The following SYTL5 variants were observed in gnomAD, a reference collection of about 807,000 sequenced individuals.
SYTL5 encodes the protein synaptotagmin like 5.
SYTL5 carries 34 observed loss-of-function variants against 55.9 expected under a neutral mutation model. The ratio of observed to expected loss-of-function variants is 0.61; its 90% CI spans 0.46 to 0.81. The LOEUF is 0.81. Ranked by LOEUF, SYTL5 falls within the 30% of genes least tolerant of loss-of-function variation. The pLI, the probability that SYTL5 is intolerant of heterozygous loss-of-function variation, is 0.00. For synonymous variants in SYTL5, 221 were observed against 188.7 expected (o/e 1.17, Z -1.40); for missense variants, 637 against 546.7 (o/e 1.17, Z -1.65).
chrX:37,985,429 T>C, the SYTL5 span, among the ~76,000 whole-genome samples: 1 of 111,580 alleles, frequency 9.0e-6, no homozygotes. Flanking sequence ...AAAATAATTA[T>C]AATGCAACCT....
At chrX:38,010,801 T>C (rs1355788476) in intron 1 of SYTL5, among the ~76,000 whole-genome samples, 1 of 112,016 alleles carries the variant, frequency 8.9e-6, no homozygotes, top group Non-Finnish European at 1.9e-5. Context: ...TTAGTTTGTT[T>C]GATTGTTTCA....
intron 1 of SYTL5, among the ~76,000 whole-genome samples, chrX:38,007,066 A>T (rs969096239): frequency 6.3e-5 from 7 of 111,102 alleles, no homozygotes; most frequent in Admixed American, 9.6e-5. Flanking sequence ...TCTCTATATA[A>T]ACCTCTCACA....
chrX:37,893,943 G>C, the SYTL5 span, among the ~76,000 whole-genome samples: 1 of 106,987 alleles, frequency 9.3e-6, no homozygotes, highest in African/African-American at 3.4e-5. Flanking sequence ...TCCCCAAGTT[G>C]CTCCCTTGTG....
chrX:38,067,300 C>T lies in SYTL5; in HGVS notation c.330-4747C>T, dbSNP rs752300098. On this transcript the variant is annotated intron_variant, in intron 3 of 16. Transcript: ENST00000297875. ...AGGCCCATTTCCTGGAGAATGTAGA[C>T]TGGATGTGTCCACTTTCTTCTGTCA... is the stretch of plus-strand genomic sequence containing the variant. 1.6e-4 allele frequency among the ~76,000 whole-genome samples: 17 copies of T among 109,630 alleles called. No individual in the cohort carries two copies. In the East Asian group the frequency reaches 4.0e-3, roughly 26 times the overall value.
At position 38,076,709 on chromosome X, in the gene SYTL5, T is replaced by TCATA. The variant is rs1205709484; in HGVS notation, c.689+11_689+14dup. On this transcript the variant is annotated intron_variant, in intron 6 of 16. Coordinates refer to ENST00000297875, the MANE Select transcript of SYTL5 (RefSeq NM_138780.3). Reference sequence around the variant, plus strand: ...ACCTCCTGGTTCAGACAGGTAAGAGTCATACAGATTGAGCAATGATGTAGC... The same window carrying TCATA: ...ACCTCCTGGTTCAGACAGGTAAGAGTCATACATACAGATTGAGCAATGATGTAGC... 8.3e-7 allele frequency: 1 copy of TCATA among 1,204,644 alleles called. No homozygotes were observed. Among genetic ancestry groups the TCATA allele is most frequent in the Non-Finnish European group, 1.1e-6 (1 of 892,755 alleles).
chrX:38,021,154 T>A (rs1346561828), intron 1 of SYTL5, among the ~76,000 whole-genome samples: 2 of 111,793 alleles, frequency 1.8e-5, no homozygotes, highest in African/African-American at 6.5e-5. Context: ...GTCATTAGAA[T>A]GTATATGTAT....
chrX:38,034,074 C>A (rs1935037064), intron 2 of SYTL5, 66 bp downstream of exon 2: 4 of 610,401 alleles, frequency 6.6e-6, no homozygotes, highest in Non-Finnish European at 1.0e-5. Context: ...CAATTTAGAT[C>A]AGAAATGGGC....
At chrX:37,957,132 G>GTTTA in the SYTL5 span, among the ~76,000 whole-genome samples, 1 of 80,788 alleles carries the variant, frequency 1.2e-5, no homozygotes, top group Non-Finnish European at 2.4e-5. Context: ...TTTTAAATTT[G>GTTTA]GTTGTTTTTC....
intron 7 of SYTL5, among the ~76,000 whole-genome samples, chrX:38,091,417 G>A (rs1416193629): frequency 8.9e-6 from 1 of 112,006 alleles, no homozygotes; most frequent in African/African-American, 3.3e-5. Context: ...GATAGTTGAC[G>A]AATACACTCA....
chrX:38,086,503 G>A (rs370237332), intron 6 of SYTL5, among the ~76,000 whole-genome samples: 12 of 111,689 alleles, frequency 1.1e-4, no homozygotes, highest in African/African-American at 3.9e-4. Context: ...CCCACATTTG[G>A]GCCTTTTACA....
At chrX:38,111,029 C>G (rs764321567) in intron 13 of SYTL5, among the ~76,000 whole-genome samples, 55 of 112,168 alleles carry the variant, frequency 4.9e-4, no homozygotes, top group African/African-American at 1.7e-3. Context: ...AATGCCAATA[C>G]TGTATAGCAT....
intron 2 of SYTL5, among the ~76,000 whole-genome samples, chrX:38,035,003 T>C (rs1194176774): frequency 1.8e-5 from 2 of 112,100 alleles, no homozygotes; most frequent in African/African-American, 6.5e-5. Context: ...CATGTGATTA[T>C]ATTCACATGT....
intron 13 of SYTL5, among the ~76,000 whole-genome samples, chrX:38,118,915 C>T (rs1937533950): frequency 2.0e-5 from 1 of 49,239 alleles, no homozygotes; most frequent in African/African-American, 8.9e-5. Flanking sequence ...CCACCATGCC[C>T]AGCTAATATA....
At chrX:38,066,929 T>G (rs1476508644) in intron 3 of SYTL5, among the ~76,000 whole-genome samples, 1 of 111,747 alleles carries the variant, frequency 8.9e-6, no homozygotes, top group Non-Finnish European at 1.9e-5. Flanking sequence ...GATACTTCAT[T>G]GCTTATAGTG....
the SYTL5 span, among the ~76,000 whole-genome samples, chrX:37,941,771 G>A: frequency 8.9e-6 from 1 of 112,032 alleles, no homozygotes; most frequent in African/African-American, 3.2e-5. Context: ...CTGTACTAAA[G>A]ACATTGAACC....
intron 1 of SYTL5, among the ~76,000 whole-genome samples, chrX:38,031,204 T>C (rs1392051982): frequency 8.9e-6 from 1 of 111,871 alleles, no homozygotes; most frequent in African/African-American, 3.2e-5. Flanking sequence ...AATCAAAACT[T>C]GATAGAGTTT....
chrX:38,108,753 G>T (rs1937281606), intron 12 of SYTL5, 54 bp downstream of exon 12: 1 of 750,795 alleles, frequency 1.3e-6, no homozygotes, highest in African/African-American at 2.1e-5. Context: ...CAACTTCAAT[G>T]GTTTAGAAGT....
At chrX:38,079,357 C>T (rs1439309655) in intron 6 of SYTL5, among the ~76,000 whole-genome samples, 3 of 111,748 alleles carry the variant, frequency 2.7e-5, no homozygotes. Flanking sequence ...AGTTTCAAAG[C>T]AAGGGAAAGT....
the SYTL5 span, among the ~76,000 whole-genome samples, chrX:37,936,386 T>C: frequency 8.9e-6 from 1 of 112,506 alleles, no homozygotes; most frequent in African/African-American, 3.2e-5. Flanking sequence ...ATTAATGGAC[T>C]GATTATCCCT....
Sources: allele counts gnomAD v4.1 joint callset (sites outside exome capture counted in the v4.1 genomes callset), GRCh38; gene constraint gnomAD v4.1.1; transcripts MANE v1.5; gene names NCBI Gene and HGNC (gene_info 2026-07-23, HGNC 2026-07-21).